The following BAIAP3 variants were observed in gnomAD, a reference collection of about 807,000 sequenced individuals.
The protein encoded by BAIAP3 is BAI1 associated protein 3.
In BAIAP3, 180 loss-of-function variants were observed where a neutral mutation model predicts 149.7. The ratio of observed to expected loss-of-function variants is 1.20; its 90% CI spans 1.07 to 1.36. The LOEUF (loss-of-function observed/expected upper bound fraction) is 1.36. BAIAP3 is among the 40% of genes most tolerant of loss of function. BAIAP3 has a pLI of 0.00. For synonymous variants in BAIAP3, 845 were observed against 670.7 expected, an observed-to-expected ratio of 1.26 and a Z score of -4.02; for missense variants, 1,767 against 1,563.4, an observed-to-expected ratio of 1.13 and a Z score of -2.20.
intron 3 of BAIAP3, 84 bp from the exon 4 acceptor site, chr16:1,339,080 C>G: frequency 6.3e-7 from 1 of 1,596,498 alleles, no homozygotes. Flanking sequence ...TCGCTCCCAC[C>G]TCCTGGGGCA....
In BAIAP3 at chr16:1,347,286, TCCCTGCCCCAGG is replaced by T; in HGVS notation, c.2752-6_2757del. 6.2e-7 allele frequency: 1 copy of T among 1,612,438 alleles called. No homozygotes were observed. The highest frequency in any genetic ancestry group is 1.1e-5 in the South Asian group (1 of 90,966). On this transcript the variant is annotated splice_acceptor_variant and splice_polypyrimidine_tract_variant and coding_sequence_variant and intron_variant, in exon 29 of 34. Coordinates refer to ENST00000426824, the MANE Select transcript of BAIAP3 (RefSeq NM_001199097.2). LOFTEE classifies it high-confidence loss of function. ...GGCTCCCTGACACCTCTGCCTTCTT[TCCCTGCCCCAGG>T]CCCTGGTCAGTTTTTTCCACGCAGA...
chr16:1,349,062 C>G lies in BAIAP3; in HGVS notation c.*580C>G, dbSNP rs967980467. ...GGTTCCCCTGAGGTCACTCTGAGGCCAGGGACGTCACCCAAGGCTGGTGGT... is the reference window on the plus strand; with the variant it reads ...GGTTCCCCTGAGGTCACTCTGAGGCGAGGGACGTCACCCAAGGCTGGTGGT... On this transcript the variant is annotated 3_prime_UTR_variant, in exon 34 of 34. Coordinates refer to ENST00000426824, the MANE Select transcript of BAIAP3 (RefSeq NM_001199097.2). 2 of 316,334 alleles carry G rather than the reference C, an allele frequency of 6.3e-6. No homozygotes were observed. The highest frequency in any genetic ancestry group is 4.4e-5 in the African/African-American group (2 of 45,956). The allele number at this position is 316,334 out of a possible 1,614,324, so 19.6% of individuals were successfully genotyped here.
chr16:1,334,466 AG>A, intron 1 of BAIAP3: 2 of 568,018 alleles, frequency 3.5e-6, no homozygotes, highest in East Asian at 3.0e-5. Context: ...CGGGGCAGGG[AG>A]GGGGTCGGTG....
rs1380942081 is a variant in BAIAP3, at chr16:1,342,524, C to A, written c.958-3C>A. 6.4e-7 allele frequency: 1 copy of A among 1,551,762 alleles called. No individual in the cohort carries two copies. The highest frequency in any genetic ancestry group is 2.4e-5 in the East Asian group (1 of 41,072). On this transcript the variant is annotated splice_region_variant and splice_polypyrimidine_tract_variant and intron_variant, in intron 11 of 33. Transcript: ENST00000426824. ...GTGGGCCTGACCCCCATGCTACCCC[C>A]AGGAGGTGCCTGTGGCTGGCGTCGA...
At chr16:1,334,710 C>A in intron 1 of BAIAP3, 4 of 1,556,906 alleles carry the variant, frequency 2.6e-6, no homozygotes, top group Non-Finnish European at 3.5e-6. Flanking sequence ...AGGTGACCTG[C>A]ACCTGGGCAC....
chr16:1,336,598 C>T (rs144465246), intron 1 of BAIAP3, among the ~76,000 whole-genome samples: 6,576 of 152,186 alleles, frequency 0.043, 214 homozygotes, highest in Middle Eastern at 0.15. Context: ...TGACCCTGAA[C>T]CCCCACAGAC....
At chr16:1,334,139 C>G (rs999797948) in intron 1 of BAIAP3, among the ~76,000 whole-genome samples, 1 of 151,834 alleles carries the variant, frequency 6.6e-6, no homozygotes, top group Non-Finnish European at 1.5e-5. Context: ...CCGGGGCCTC[C>G]CAGCACCCCT....
At position 1,343,444 on chromosome 16, in the gene BAIAP3, C is replaced by T. The variant is rs1276636720; in HGVS notation, c.1317C>T (p.Ser439=). ...RHHQTCTLDY[S]YLLGLLEDMQ... ...ATCAAACCTGCACGCTGGACTACAG[C>T]TACCTGCTGGGGCTGCTGGAGGACA... The change falls in exon 15 of 34, where the codon AGC becomes AGT. Residue 439 remains serine (S), a synonymous_variant. Transcript: ENST00000426824. 6.3e-7 allele frequency: 1 copy of T among 1,588,390 alleles called. No homozygotes were observed. Among genetic ancestry groups the T allele is most frequent in the Admixed American group, 1.8e-5 (1 of 56,130 alleles).
intron 12 of BAIAP3, 30 bp downstream of exon 12, chr16:1,342,664 C>T (rs747185968): frequency 6.2e-7 from 1 of 1,608,562 alleles, no homozygotes; most frequent in Non-Finnish European, 8.5e-7. Flanking sequence ...CCGTCCTCCA[C>T]CCCCGTCCTT....
Position 1,346,027 on chromosome 16 carries a change from G to T in BAIAP3, c.2250G>T (p.Arg750=). The part of the protein sequence containing the change: ...EATLFYTELL[R]KKVDTQPGAA... ...CCCTCTTCTATACGGAGCTGCTTCG[G>T]AAGAAGGTGGACACTCAGCCAGGGG... The change falls in exon 24 of 34, where the codon CGG becomes CGT. Residue 750 remains arginine (R), a synonymous_variant. Transcript: ENST00000426824. 6.2e-7 allele frequency: 1 copy of T among 1,611,702 alleles called. No homozygotes were observed. The highest frequency in any genetic ancestry group is 8.5e-7 in the Non-Finnish European group (1 of 1,179,588).
At chr16:1,342,107 C>G (rs756886068) in intron 10 of BAIAP3, 44 bp downstream of exon 10, 1 of 1,571,740 alleles carries the variant, frequency 6.4e-7, no homozygotes, top group South Asian at 1.2e-5. Flanking sequence ...GTGCCCTCAG[C>G]TTGGTCATGG....
intron 28 of BAIAP3, 169 bp downstream of exon 28, chr16:1,347,124 G>A (rs1385254172): frequency 4.5e-6 from 4 of 881,098 alleles, no homozygotes; most frequent in Non-Finnish European, 6.9e-6. Flanking sequence ...CTCTGGTGAT[G>A]GCCTTTCCCC....
At chr16:1,347,057 G>A (rs1390906685) in intron 28 of BAIAP3, 102 bp downstream of exon 28, 9 of 1,145,536 alleles carry the variant, frequency 7.9e-6, no homozygotes, top group African/African-American at 4.6e-5. Context: ...TGTGGCTGGA[G>A]AGCAGCCACT....
chr16:1,339,418 G>A (rs1216063349), intron 4 of BAIAP3, 78 bp from the exon 5 acceptor site: 1 of 1,506,614 alleles, frequency 6.6e-7, no homozygotes, highest in Non-Finnish European at 9.1e-7. Context: ...TGGGGCCTGG[G>A]CTCAGGCAGA....
intron 4 of BAIAP3, 69 bp from the exon 5 acceptor site, chr16:1,339,427 G>C: frequency 1.5e-5 from 23 of 1,522,648 alleles, no homozygotes; most frequent in Non-Finnish European, 2.0e-5. Context: ...GGCTCAGGCA[G>C]ACAGGAGGTG....
At chr16:1,346,719 C>T in intron 27 of BAIAP3, 35 bp downstream of exon 27, 1 of 1,511,806 alleles carries the variant, frequency 6.6e-7, no homozygotes, top group Non-Finnish European at 8.9e-7. Context: ...GCTGGGCTGG[C>T]CCGTGGTCAC....
chr16:1,338,760 G>C, intron 2 of BAIAP3, 80 bp downstream of exon 2: 1 of 1,567,866 alleles, frequency 6.4e-7, no homozygotes, highest in South Asian at 1.2e-5. Context: ...CCCTGCCCCA[G>C]CACCCCTGGG....
At chr16:1,347,431 C>T in intron 29 of BAIAP3, 62 bp downstream of exon 29, 1 of 1,597,788 alleles carries the variant, frequency 6.3e-7, no homozygotes, top group Non-Finnish European at 8.5e-7. Context: ...AAACTGCAGC[C>T]CCACACGGGC....
chr16:1,347,190 G>A (rs1387783710), intron 28 of BAIAP3, 108 bp from the exon 29 acceptor site: 1 of 1,182,442 alleles, frequency 8.5e-7, no homozygotes, highest in Non-Finnish European at 1.2e-6. Flanking sequence ...CTCTGCCCTT[G>A]GCTGCTGAGC....
Sources: gnomAD v4.1 joint callset for allele counts (sites outside exome capture counted in the v4.1 genomes callset) on GRCh38, gnomAD v4.1.1 for gene constraint, MANE v1.5 for transcripts, NCBI Gene and HGNC (gene_info 2026-07-23, HGNC 2026-07-21) for gene names.